Variants in IRF2 observed in about 807,000 individuals in gnomAD.
The protein encoded by IRF2 is interferon regulatory factor 2.
A neutral mutation model predicts 40.6 loss-of-function variants in IRF2; 15 were observed. That is an observed-to-expected ratio of 0.37 (90% CI 0.25 to 0.57). The LOEUF (loss-of-function observed/expected upper bound fraction) is 0.57. Ranked by LOEUF, IRF2 falls within the 20% of genes least tolerant of loss-of-function variation. The probability of loss-of-function intolerance (pLI) is 0.77; values close to 1 mark genes in which losing one functional copy is unlikely to be tolerated. For synonymous variants in IRF2, 151 were observed against 165.5 expected (o/e 0.91, Z 0.67); for missense variants, 317 against 455.7 (o/e 0.70, Z 2.77).
At chr4:184,433,821 C>T (rs1052736519) in intron 1 of IRF2, among the ~76,000 whole-genome samples, 4 of 152,152 alleles carry the variant, frequency 2.6e-5, no homozygotes, top group Middle Eastern at 3.2e-3. Context: ...GCGCTTGCCT[C>T]GCGACACGGT....
chr4:184,433,200 C>T (rs3756097), intron 1 of IRF2, among the ~76,000 whole-genome samples: 43,298 of 152,152 alleles, frequency 0.28, 6,768 homozygotes, highest in South Asian at 0.43. Context: ...ATCCTGAAAT[C>T]CAGCGCTTCG....
chr4:184,408,949 T>C lies in IRF2; in HGVS notation c.412-674A>G, dbSNP rs1201831660. Among the ~76,000 whole-genome samples the C allele has an allele frequency of 6.6e-6, 1 of 152,152 alleles. No individual in the cohort carries two copies. Among genetic ancestry groups the C allele is most frequent in the African/African-American group, 2.4e-5 (1 of 41,424 alleles). The stretch of plus-strand genomic sequence containing the variant: ...ATTCTGCACGTGCACACTAATGAAA[T>C]AATGAGAACAAATTCCTTTCCCTTA... On this transcript the variant is annotated intron_variant, in intron 5 of 8. Coordinates refer to ENST00000393593, the MANE Select transcript of IRF2 (RefSeq NM_002199.4). The surrounding 1 kb of genome is among the most constrained non-coding windows in gnomAD (Gnocchi z 4.9).
At chr4:184,389,298 GC>G (rs1471439440) in intron 8 of IRF2, among the ~76,000 whole-genome samples, 5 of 151,966 alleles carry the variant, frequency 3.3e-5, no homozygotes, top group African/African-American at 1.2e-4. Context: ...CACACCTTTA[GC>G]CCCAGCAACT....
chr4:184,413,547 C>A lies in IRF2; in HGVS notation c.411+4620G>T, dbSNP rs1353017077. Among the ~76,000 whole-genome samples, 2 of 152,188 alleles carry A rather than the reference C, an allele frequency of 1.3e-5. No individual in the cohort carries two copies. Among genetic ancestry groups the A allele is most frequent in the Non-Finnish European group, 1.5e-5 (1 of 68,038 alleles). ...GCCAGGGAGTGTGCTGTGTTTTAAT[C>A]CAGCTCAGGTCACTGTTAGAGCCAA... On this transcript the variant is annotated intron_variant, in intron 5 of 8. Transcript: ENST00000393593. The surrounding 1 kb of genome is among the most constrained non-coding windows in gnomAD (Gnocchi z 4.2).
At chr4:184,458,909 C>T (rs1328351457) in intron 1 of IRF2, among the ~76,000 whole-genome samples, 2 of 152,146 alleles carry the variant, frequency 1.3e-5, no homozygotes, top group East Asian at 3.8e-4. Context: ...CAACAATTCA[C>T]AATAAATACA....
At chr4:184,430,867 T>A (rs907981173) in intron 1 of IRF2, among the ~76,000 whole-genome samples, 4 of 152,084 alleles carry the variant, frequency 2.6e-5, no homozygotes, top group Admixed American at 6.6e-5. Flanking sequence ...GCTATTTTTT[T>A]TTATTTTTTG....
At chr4:184,398,825 T>C (rs1736563772) in intron 7 of IRF2, 90 bp downstream of exon 7, 1 of 1,172,836 alleles carries the variant, frequency 8.5e-7, no homozygotes, top group Admixed American at 2.5e-5. Flanking sequence ...AGAGGAGGGA[T>C]GCTCCGTGGG....
rs563367038 is a variant in IRF2, at chr4:184,388,744, G to A, written c.*14C>T. The A allele has an allele frequency of 2.1e-5, 33 of 1,588,054 alleles. No homozygotes were observed. The highest frequency in any genetic ancestry group is 2.2e-4 in the Middle Eastern group (1 of 4,462). On this transcript the variant is annotated 3_prime_UTR_variant, in exon 9 of 9. Coordinates refer to ENST00000393593, the MANE Select transcript of IRF2 (RefSeq NM_002199.4). This position sits in a 1 kb window ranked among gnomAD's most constrained non-coding sequence, Gnocchi z 4.6. ...GCCAAGAAGCCCCAACAACCACCGCGGAGAGTCAGAGGCTTAACAGCTCTT... is the reference window on the plus strand; with the variant it reads ...GCCAAGAAGCCCCAACAACCACCGCAGAGAGTCAGAGGCTTAACAGCTCTT...
At chr4:184,390,621 A>T (rs780176565) in intron 8 of IRF2, 82 bp downstream of exon 8, 9 of 1,340,984 alleles carry the variant, frequency 6.7e-6, no homozygotes, top group Non-Finnish European at 9.6e-6. Context: ...GGAAAGGTGC[A>T]TAACCAGCAG....
At position 184,418,567 on chromosome 4, in the gene IRF2, C is replaced by T. The variant is rs1249195947; in HGVS notation, c.329G>A (p.Arg110Gln). The T allele has an allele frequency of 6.2e-6, 10 of 1,614,030 alleles. No individual in the cohort carries two copies. The highest frequency in any genetic ancestry group is 1.6e-4 in the Middle Eastern group (1 of 6,084). ...AGGCCGTTCTGATAGGGGCAGCATT[C>T]GGTAGACCCTGAAGGCATTATTTCC... ...KKGNNAFRVYRMLPLSERPSK... is the reference protein window; with the variant it reads ...KKGNNAFRVYQMLPLSERPSK... The change falls in exon 4 of 9, where the codon CGA becomes CAA. Residue 110 changes from arginine to glutamine, a missense_variant. Coordinates refer to ENST00000393593, the MANE Select transcript of IRF2 (RefSeq NM_002199.4).
chr4:184,423,230 C>A (rs1321184328), intron 2 of IRF2, among the ~76,000 whole-genome samples: 1 of 152,160 alleles, frequency 6.6e-6, no homozygotes. Flanking sequence ...CAGTCCTGCA[C>A]ACGTGGTGGT....
chr4:184,457,697 C>T (rs933533095), intron 1 of IRF2, among the ~76,000 whole-genome samples: 2 of 152,158 alleles, frequency 1.3e-5, no homozygotes, highest in African/African-American at 2.4e-5. Context: ...CAGTCCTTCC[C>T]GCAATGGACC....
chr4:184,461,693 C>A (rs1234506450), intron 1 of IRF2, among the ~76,000 whole-genome samples: 7 of 145,012 alleles, frequency 4.8e-5, no homozygotes, highest in Non-Finnish European at 9.1e-5. Context: ...CGCCCCCCCA[C>A]CGCCCCCCAA....
intron 1 of IRF2, among the ~76,000 whole-genome samples, chr4:184,437,721 G>A (rs1364977910): frequency 6.6e-6 from 1 of 151,636 alleles, no homozygotes. Flanking sequence ...CTTGGGAAAA[G>A]CCATGCTTCA....
At position 184,425,939 on chromosome 4, in the gene IRF2, G is replaced by A. The variant is rs1028229918; in HGVS notation, c.87+3039C>T. On this transcript the variant is annotated intron_variant, in intron 2 of 8. Transcript: ENST00000393593. ...TATTCCATCACAGTCCTGAAGGCCAGAAGTCCAAAATCAAGGTCTCTGCAG... is the reference window on the plus strand; with the variant it reads ...TATTCCATCACAGTCCTGAAGGCCAAAAGTCCAAAATCAAGGTCTCTGCAG... Among the ~76,000 whole-genome samples the A allele has an allele frequency of 1.3e-5, 2 of 152,102 alleles. 1 individual carries two copies. The highest frequency in any genetic ancestry group is 2.9e-5 in the Non-Finnish European group (2 of 68,020).
intron 5 of IRF2, among the ~76,000 whole-genome samples, chr4:184,412,628 C>T (rs754733621): frequency 6.6e-6 from 1 of 152,218 alleles, no homozygotes; most frequent in South Asian, 2.1e-4. Flanking sequence ...GTGCACACAC[C>T]CAGCACAGAG....
intron 7 of IRF2, among the ~76,000 whole-genome samples, chr4:184,396,010 G>C (rs1438465257): frequency 2.0e-5 from 3 of 152,144 alleles, no homozygotes; most frequent in African/African-American, 7.2e-5. Flanking sequence ...AAACATAGAA[G>C]TCTATTCTAA....
At chr4:184,431,773 C>G (rs556747629) in intron 1 of IRF2, among the ~76,000 whole-genome samples, 43 of 138,690 alleles carry the variant, frequency 3.1e-4, no homozygotes, top group African/African-American at 1.1e-3. Flanking sequence ...TATGGAAACA[C>G]GAGAGGCGTG....
intron 5 of IRF2, among the ~76,000 whole-genome samples, chr4:184,410,236 G>A (rs150870120): frequency 3.9e-5 from 6 of 152,270 alleles, no homozygotes; most frequent in African/African-American, 7.2e-5. Flanking sequence ...AGGGCACTGC[G>A]GACAGTTGTA....
Sources: gnomAD v4.1 joint callset for allele counts (sites outside exome capture counted in the v4.1 genomes callset) on GRCh38, gnomAD v4.1.1 for gene constraint, Gnocchi (gnomAD v3.1) non-coding constraint, MANE v1.5 for transcripts, NCBI Gene and HGNC (gene_info 2026-07-23, HGNC 2026-07-21) for gene names.